The following AGTPBP1 variants were observed in gnomAD, a reference collection of about 807,000 sequenced individuals.
AGTPBP1 encodes the protein ATP/GTP binding carboxypeptidase 1.
Under a neutral mutation model 143.9 loss-of-function variants are expected in AGTPBP1, and 70 were observed. The observed-to-expected ratio is 0.49, with a 90% CI of 0.40 to 0.59. The LOEUF is 0.59. Ranked by LOEUF, AGTPBP1 falls within the 20% of genes least tolerant of loss-of-function variation. The pLI, the probability that AGTPBP1 is intolerant of heterozygous loss-of-function variation, is 0.00. For synonymous variants in AGTPBP1, 463 were observed against 500.2 expected (o/e 0.93, Z 0.99); for missense variants, 1,229 against 1,464.5 (o/e 0.84, Z 2.62).
At chr9:85,584,706 A>G (rs530377930) in intron 23 of AGTPBP1, among the ~76,000 whole-genome samples, 14 of 152,326 alleles carry the variant, frequency 9.2e-5, no homozygotes, top group African/African-American at 3.4e-4. Context: ...CCTATCTACC[A>G]TCAATGATCA....
chr9:85,649,290 T>C (rs1252037988), intron 11 of AGTPBP1, among the ~76,000 whole-genome samples: 2 of 152,188 alleles, frequency 1.3e-5, no homozygotes, highest in Non-Finnish European at 2.9e-5. Flanking sequence ...ACTGGGAAAG[T>C]ACATCACGGG....
intron 2 of AGTPBP1, among the ~76,000 whole-genome samples, chr9:85,708,535 T>C (rs893505408): frequency 1.3e-5 from 2 of 152,196 alleles, no homozygotes; most frequent in African/African-American, 4.8e-5. Flanking sequence ...TTATACTTTA[T>C]TGTTTTTTGT....
intron 25 of AGTPBP1, among the ~76,000 whole-genome samples, chr9:85,567,172 T>C (rs1012616122): frequency 5.9e-5 from 9 of 152,070 alleles, no homozygotes; most frequent in Non-Finnish European, 1.2e-4. Context: ...CTGCAAACTA[T>C]AGGATCATGA....
rs773613317 is a variant in AGTPBP1, at chr9:85,669,476, T to C, written c.662+9A>G. 5.1e-6 allele frequency: 8 copies of C among 1,570,142 alleles called. No individual in the cohort carries two copies. Among genetic ancestry groups the C allele is most frequent in the Non-Finnish European group, 7.0e-6 (8 of 1,142,184 alleles). ...TATACCTATGTTTACATTCAAAACA[T>C]TTACTCACTTTATAAGACTGGAATT... is the stretch of plus-strand genomic sequence containing the variant. On this transcript the variant is annotated intron_variant, in intron 8 of 25. Coordinates refer to ENST00000357081, the MANE Select transcript of AGTPBP1 (RefSeq NM_001330701.2).
intron 8 of AGTPBP1, among the ~76,000 whole-genome samples, chr9:85,663,866 C>T (rs1833982590): frequency 6.6e-6 from 1 of 151,994 alleles, no homozygotes; most frequent in Admixed American, 6.6e-5. Context: ...ACATTCACAG[C>T]AGCTTTATTT....
chr9:85,660,754 A>T (rs1833807098), intron 9 of AGTPBP1, among the ~76,000 whole-genome samples, 182 bp downstream of exon 9: 1 of 152,168 alleles, frequency 6.6e-6, no homozygotes, highest in South Asian at 2.1e-4. Context: ...CTCAATAAAC[A>T]TAATATGGTA....
chr9:85,766,674 T>C, the AGTPBP1 span, among the ~76,000 whole-genome samples: 16 of 152,086 alleles, frequency 1.1e-4, no homozygotes, highest in Non-Finnish European at 1.6e-4. Context: ...TCTATGCACC[T>C]TTCTTCCACA....
intron 1 of AGTPBP1, among the ~76,000 whole-genome samples, chr9:85,724,890 A>T (rs1284561744): frequency 6.6e-6 from 1 of 152,214 alleles, no homozygotes; most frequent in African/African-American, 2.4e-5. Flanking sequence ...CTTTTGAAAA[A>T]AAATTTTACT....
At chr9:85,633,860 A>T (rs1233221228) in intron 13 of AGTPBP1, among the ~76,000 whole-genome samples, 1 of 151,742 alleles carries the variant, frequency 6.6e-6, no homozygotes, top group Non-Finnish European at 1.5e-5. Context: ...TTTCATATAT[A>T]GAACATTAGA....
At chr9:85,636,425 G>A (rs1274572008) in intron 13 of AGTPBP1, among the ~76,000 whole-genome samples, 5 of 151,866 alleles carry the variant, frequency 3.3e-5, no homozygotes, top group Admixed American at 1.3e-4. Flanking sequence ...ACCACACCCA[G>A]CTACTTTTTG....
chr9:85,646,226 C>T (rs1832798380), intron 12 of AGTPBP1, 95 bp downstream of exon 12: 1 of 793,320 alleles, frequency 1.3e-6, no homozygotes, highest in South Asian at 1.7e-5. Flanking sequence ...CAAAGTAAAA[C>T]CTAAAATTAC....
the AGTPBP1 span, among the ~76,000 whole-genome samples, chr9:85,783,717 C>T: frequency 6.6e-6 from 1 of 152,126 alleles, no homozygotes; most frequent in African/African-American, 2.4e-5. Context: ...TCACTGCAGC[C>T]TCTACCTCCA....
Position 85,660,291 on chromosome 9 carries a change from C to T in AGTPBP1, c.700+645G>A, listed in dbSNP as rs183685153. ...TTAAACAAAATGTTTATGTAATCAA[C>T]CAACAGACCCCTGAAGCCCCCCAAA... On this transcript the variant is annotated intron_variant, in intron 9 of 25. Coordinates refer to ENST00000357081, the MANE Select transcript of AGTPBP1 (RefSeq NM_001330701.2). Among the ~76,000 whole-genome samples the T allele has an allele frequency of 3.4e-4, 52 of 152,032 alleles. 1 individual carries two copies. The East Asian group carries it at 9.3e-3, about 27-fold the overall frequency.
chr9:85,741,673 T>A (rs1824297879), intron 1 of AGTPBP1, 102 bp downstream of exon 1: 4 of 1,253,312 alleles, frequency 3.2e-6, no homozygotes, highest in Middle Eastern at 3.1e-4. Context: ...GGATCCGGGG[T>A]CGCCCCTCCT....
In AGTPBP1 at chr9:85,602,769, G is replaced by T. The variant is rs75379923; in HGVS notation, c.2336-6320C>A. On this transcript the variant is annotated intron_variant, in intron 17 of 25. Coordinates refer to ENST00000357081, the MANE Select transcript of AGTPBP1 (RefSeq NM_001330701.2). Reference sequence around the variant, plus strand: ...CAAGGAAATGCACTGAAGAGGGTAGGAAAGACAATCTGGAATTGCTCACAC... The same window carrying T: ...CAAGGAAATGCACTGAAGAGGGTAGTAAAGACAATCTGGAATTGCTCACAC... Among the ~76,000 whole-genome samples, 4 of 152,306 alleles carry T rather than the reference G, an allele frequency of 2.6e-5. No individual in the cohort carries two copies. In the East Asian group the frequency reaches 7.7e-4, roughly 29 times the overall value.
chr9:85,760,835 T>C, the AGTPBP1 span, among the ~76,000 whole-genome samples: 2 of 152,166 alleles, frequency 1.3e-5, no homozygotes, highest in African/African-American at 2.4e-5. Context: ...AAATTGTCTG[T>C]TTGCAGATGA....
chr9:85,637,602 G>A (rs1178418141), intron 13 of AGTPBP1, among the ~76,000 whole-genome samples: 5 of 152,176 alleles, frequency 3.3e-5, no homozygotes, highest in Non-Finnish European at 7.4e-5. Flanking sequence ...TTCTAAAACA[G>A]TCAAGACTAG....
Position 85,698,429 on chromosome 9 carries a change from A to G in AGTPBP1, c.33-5616T>C, listed in dbSNP as rs116277204. On this transcript the variant is annotated intron_variant, in intron 2 of 25. Transcript: ENST00000357081. Reference sequence around the variant, plus strand: ...GAAAACGGAACAAAATTATATTCTAAGCCACTTCCCAACTCAGCTCTAAAA... The same window carrying G: ...GAAAACGGAACAAAATTATATTCTAGGCCACTTCCCAACTCAGCTCTAAAA... Among the ~76,000 whole-genome samples the G allele has an allele frequency of 9.8e-3, 1,487 of 152,274 alleles. 31 individuals are homozygous for G. Among genetic ancestry groups the G allele is most frequent in the African/African-American group, 0.033 (1,391 of 41,544 alleles).
chr9:85,720,340 C>T (rs1838021794), intron 1 of AGTPBP1, among the ~76,000 whole-genome samples: 1 of 152,062 alleles, frequency 6.6e-6, no homozygotes, highest in South Asian at 2.1e-4. Flanking sequence ...AATTTCAGAA[C>T]CTGTTATTGG....
Sources: gnomAD v4.1 joint callset for allele counts (sites outside exome capture counted in the v4.1 genomes callset) on GRCh38, gnomAD v4.1.1 for gene constraint, MANE v1.5 for transcripts, NCBI Gene and HGNC (gene_info 2026-07-23, HGNC 2026-07-21) for gene names.